ALDH1A1: variants seen among roughly 807,000 people sequenced by gnomAD.
The protein encoded by ALDH1A1 is aldehyde dehydrogenase 1 family member A1.
In ALDH1A1, 19 loss-of-function variants were observed where a neutral mutation model predicts 62.1. The ratio of observed to expected loss-of-function variants is 0.31; its 90% CI spans 0.21 to 0.45. ALDH1A1 has a LOEUF of 0.45. ALDH1A1 is among the 20% of genes least tolerant of loss of function. The pLI is 1.00. For missense variants in ALDH1A1, 521 were observed against 607.1 expected, an observed-to-expected ratio of 0.86 and a Z score of 1.49; for synonymous variants, 231 against 215.9, an observed-to-expected ratio of 1.07 and a Z score of -0.61.
chr9:72,925,689 C>T, intron 5 of ALDH1A1, 77 bp from the exon 6 acceptor site: 1 of 1,473,918 alleles, frequency 6.8e-7, no homozygotes, highest in East Asian at 2.3e-5. Context: ...ATATTATACA[C>T]CCCCTGTAGA....
At chr9:72,908,597 AAGAAAG>A (rs1189776784) in intron 11 of ALDH1A1, among the ~76,000 whole-genome samples, 6 of 145,492 alleles carry the variant, frequency 4.1e-5, no homozygotes, top group African/African-American at 1.5e-4. Flanking sequence ...GAAAGAAAGA[AAGAAAG>A]AAAGAAAGAA....
At chr9:72,920,004 C>T (rs1438114187) in intron 7 of ALDH1A1, among the ~76,000 whole-genome samples, 2 of 152,112 alleles carry the variant, frequency 1.3e-5, no homozygotes, top group Admixed American at 6.5e-5. Context: ...AGCCTTAATC[C>T]ACCAACATGT....
intron 5 of ALDH1A1, among the ~76,000 whole-genome samples, chr9:72,926,562 G>A (rs1360121330): frequency 6.6e-6 from 1 of 152,164 alleles, no homozygotes; most frequent in African/African-American, 2.4e-5. Flanking sequence ...TAATATGGAG[G>A]ATCTGAGCCT....
chr9:72,942,482 C>T (rs1830426637), intron 1 of ALDH1A1: 1 of 627,916 alleles, frequency 1.6e-6, no homozygotes, highest in Non-Finnish European at 2.0e-6. Context: ...AAAAAGCTTT[C>T]CCTGTTCTCT....
At chr9:72,947,945 C>G (rs1266200197) in intron 1 of ALDH1A1, among the ~76,000 whole-genome samples, 1 of 151,810 alleles carries the variant, frequency 6.6e-6, no homozygotes. Flanking sequence ...ACAGAATGAT[C>G]ATATAATTCT....
intron 11 of ALDH1A1, among the ~76,000 whole-genome samples, chr9:72,907,168 C>T (rs1320743307): frequency 1.3e-5 from 2 of 152,192 alleles, no homozygotes; most frequent in African/African-American, 4.8e-5. Context: ...TTAACTATGT[C>T]TCTCATCCTG....
At chr9:72,922,915 C>CAT (rs771229524) in intron 7 of ALDH1A1, among the ~76,000 whole-genome samples, 9 of 152,176 alleles carry the variant, frequency 5.9e-5, no homozygotes, top group East Asian at 3.9e-4. Context: ...ACAAAGAAGA[C>CAT]ATATATATAT....
intron 1 of ALDH1A1, among the ~76,000 whole-genome samples, chr9:72,946,283 C>G (rs1044529343): frequency 6.6e-6 from 1 of 151,928 alleles, no homozygotes; most frequent in Non-Finnish European, 1.5e-5. Flanking sequence ...CCTTTGACAT[C>G]TAAAAAAGTA....
intron 11 of ALDH1A1, among the ~76,000 whole-genome samples, chr9:72,908,592 AAAGAAAGAAAGAAAG>A (rs1829930067): frequency 2.0e-5 from 3 of 146,818 alleles, no homozygotes; most frequent in Admixed American, 6.8e-5. Flanking sequence ...AGAAAGAAAG[AAAGAAAGAAAGAAAG>A]AAAGAAAGAA....
intron 7 of ALDH1A1, among the ~76,000 whole-genome samples, chr9:72,920,557 A>C (rs1022037257): frequency 1.3e-5 from 2 of 152,216 alleles, no homozygotes; most frequent in East Asian, 1.9e-4. Flanking sequence ...GAAGGTAATA[A>C]AATCAAATAT....
At position 72,953,041 on chromosome 9, in the gene ALDH1A1, AT is replaced by A; in HGVS notation, c.-42del. ...TGGAACACAGGTGACTGGCTCAGCAATTTGGTTCTGATAGAGCACTTGGCTT... is the reference window on the plus strand; with the variant it reads ...TGGAACACAGGTGACTGGCTCAGCAATTGGTTCTGATAGAGCACTTGGCTT... On this transcript the variant is annotated 5_prime_UTR_variant, in exon 1 of 13. Transcript: ENST00000297785. The A allele has an allele frequency of 1.3e-6, 2 of 1,581,034 alleles. No individual in the cohort carries two copies. Among genetic ancestry groups the A allele is most frequent in the Non-Finnish European group, 1.7e-6 (2 of 1,159,440 alleles).
intron 1 of ALDH1A1, among the ~76,000 whole-genome samples, chr9:72,949,276 T>C (rs955117992): frequency 1.3e-5 from 2 of 151,894 alleles, no homozygotes; most frequent in Non-Finnish European, 2.9e-5. Flanking sequence ...CTTTCTCTTA[T>C]TGGCCTGGGA....
intron 2 of ALDH1A1, among the ~76,000 whole-genome samples, chr9:72,934,361 C>T (rs1226965096): frequency 6.6e-6 from 1 of 152,138 alleles, no homozygotes; most frequent in East Asian, 1.9e-4. Flanking sequence ...ACTATCTTGG[C>T]TACTATCACC....
intron 1 of ALDH1A1, among the ~76,000 whole-genome samples, chr9:72,941,936 T>C (rs1192161158): frequency 6.6e-6 from 1 of 152,108 alleles, no homozygotes; most frequent in Non-Finnish European, 1.5e-5. Context: ...CCCAAAGCTG[T>C]TCAGATGAAG....
rs775356499 is a variant in ALDH1A1, at chr9:72,908,555, GA to G, written c.1358+1046del. Among the ~76,000 whole-genome samples, 10 of 3,260 alleles carry G rather than the reference GA, an allele frequency of 3.1e-3. 1 individual carries two copies. Among genetic ancestry groups the G allele is most frequent in the Admixed American group, 4.4e-3 (1 of 226 alleles). 2.1% of individuals were successfully genotyped at this position (3,260 alleles called of 152,430 possible). ...AGAAAGAAAGAAAGAAAAGAAAGAAGAAAGAAAGAAAGAAAGAAAGAAAGAA... is the reference window on the plus strand; with the variant it reads ...AGAAAGAAAGAAAGAAAAGAAAGAAGAAGAAAGAAAGAAAGAAAGAAAGAA... On this transcript the variant is annotated intron_variant, in intron 11 of 12. Transcript: ENST00000297785.
intron 9 of ALDH1A1, among the ~76,000 whole-genome samples, chr9:72,915,868 G>T (rs963273916): frequency 2.6e-5 from 4 of 152,156 alleles, no homozygotes; most frequent in Non-Finnish European, 2.9e-5. Context: ...TTAGTTAATT[G>T]AATTTACTTT....
At chr9:72,925,220 A>G (rs1830189349) in intron 6 of ALDH1A1, among the ~76,000 whole-genome samples, 1 of 152,204 alleles carries the variant, frequency 6.6e-6, no homozygotes, top group Non-Finnish European at 1.5e-5. Flanking sequence ...TGTTCATGAG[A>G]GTTGGACAAA....
Position 72,926,846 on chromosome 9 carries a change from A to G in ALDH1A1, c.504+270T>C, listed in dbSNP as rs1419279318. The stretch of plus-strand genomic sequence containing the variant: ...AGAGTACATAATACAACTTTTAATA[A>G]AACAACCCATAGAGTAAAGGGTTAA... On this transcript the variant is annotated intron_variant, in intron 5 of 12. Coordinates refer to ENST00000297785, the MANE Select transcript of ALDH1A1 (RefSeq NM_000689.5). 2.1e-5 allele frequency: 6 copies of G among 283,274 alleles called. No individual in the cohort carries two copies. The East Asian group carries it at 2.4e-4, about 11-fold the overall frequency. 17.5% of individuals were successfully genotyped at this position (283,274 alleles called of 1,614,324 possible). A position where few individuals can be genotyped will look rare whatever the true frequency, so the allele number is the denominator to read the frequency against.
chr9:72,935,146 A>C (rs1830332978), intron 2 of ALDH1A1, among the ~76,000 whole-genome samples: 1 of 152,158 alleles, frequency 6.6e-6, no homozygotes, highest in African/African-American at 2.4e-5. Flanking sequence ...TGATACAACA[A>C]AACTTATACA....
Sources: allele counts gnomAD v4.1 joint callset (sites outside exome capture counted in the v4.1 genomes callset), GRCh38; gene constraint gnomAD v4.1.1; transcripts MANE v1.5; gene names NCBI Gene and HGNC (gene_info 2026-07-23, HGNC 2026-07-21).